GAPVD1: variants seen among roughly 807,000 people sequenced by gnomAD.
GAPVD1 encodes GTPase activating protein and VPS9 domains 1, also known as GTPase-activating protein and VPS9 domain-containing protein 1.
Under a neutral mutation model 155.5 loss-of-function variants are expected in GAPVD1, and 35 were observed. The observed-to-expected ratio is 0.23, with a 90% confidence interval of 0.17 to 0.30. The LOEUF is 0.30. Among genes scored for constraint, GAPVD1 ranks in the 10% least tolerant of loss-of-function variants. GAPVD1 has a pLI of 1.00. For synonymous variants in GAPVD1, 636 were observed against 619.7 expected (o/e 1.03, Z -0.39); for missense variants, 1,429 against 1,775.7 (o/e 0.80, Z 3.51).
Position 125,328,127 on chromosome 9 carries a change from A to C in GAPVD1, c.2032+1538A>C, listed in dbSNP as rs1845463707. 2.6e-5 allele frequency among the ~76,000 whole-genome samples: 4 copies of C among 151,950 alleles called. No homozygotes were observed. The South Asian group carries it at 8.3e-4, about 32-fold the overall frequency. On this transcript the variant is annotated intron_variant, in intron 12 of 27. Transcript: ENST00000297933. ...CCTTTTGAACTTCAGTGTTTTTAAC[A>C]CAGACGTATAATAATGTTTAATACT...
chr9:125,358,328 A>T (rs991435729), intron 25 of GAPVD1, among the ~76,000 whole-genome samples: 1 of 151,976 alleles, frequency 6.6e-6, no homozygotes, highest in Non-Finnish European at 1.5e-5. Flanking sequence ...CTGGCCTCGA[A>T]CTCCTGACCT....
intron 4 of GAPVD1, among the ~76,000 whole-genome samples, chr9:125,300,946 G>A (rs543522008): frequency 6.6e-6 from 1 of 152,192 alleles, no homozygotes; most frequent in African/African-American, 2.4e-5. Flanking sequence ...TTACATACTG[G>A]CATGTTGCTG....
chr9:125,285,222 AC>A (rs1360902577), intron 2 of GAPVD1, among the ~76,000 whole-genome samples: 2 of 152,140 alleles, frequency 1.3e-5, no homozygotes, highest in Non-Finnish European at 2.9e-5. Context: ...TTCCAATACA[AC>A]TTTTATTTAT....
chr9:125,302,325 T>G lies in GAPVD1; in HGVS notation c.528T>G (p.Cys176Trp). Residue 176 changes from cysteine to tryptophan, a missense_variant, in exon 5 of 28, where the codon TGT (cysteine) becomes TGG (tryptophan). This residue lies in a region of GAPVD1 where 628 missense variants were observed against 733.4 expected (regional missense o/e 0.86). Transcript: ENST00000297933. Reference sequence around the variant, plus strand: ...GGCGACTTTTGAGGAGAGGAACTTGTGCCTTCAGCATCTTATTTAAACTTT... The same window carrying G: ...GGCGACTTTTGAGGAGAGGAACTTGGGCCTTCAGCATCTTATTTAAACTTT... ...NPRRLLRRGT[C>W]AFSILFKLFS... is the part of the protein sequence containing the mutation. 1 of 1,614,062 alleles carries G rather than the reference T, an allele frequency of 6.2e-7. No homozygotes were observed. The highest frequency in any genetic ancestry group is 8.5e-7 in the Non-Finnish European group (1 of 1,179,910).
Position 125,307,787 on chromosome 9 carries a change from G to A in GAPVD1, c.1348G>A (p.Gly450Arg), listed in dbSNP as rs1446595980. 1.2e-6 allele frequency: 2 copies of A among 1,613,698 alleles called. No homozygotes were observed. The highest frequency in any genetic ancestry group is 4.5e-5 in the East Asian group (2 of 44,886). The change falls in exon 8 of 28, where the codon GGA becomes AGA. Residue 450 changes from glycine (G) to arginine (R), a missense_variant. Gly to Arg is a moderately radical substitution (Grantham distance 125). Around this residue, in one of 4 missense-constraint regions of GAPVD1, gnomAD observed 628 missense variants for 733.4 expected, o/e 0.86. Coordinates refer to ENST00000297933, the MANE Select transcript of GAPVD1 (RefSeq NM_001282680.3). ...LLANLPPAKP[G>R]KSSSLEMTPY... Reference sequence around the variant, plus strand: ...GGCAAACCTACCCCCGGCCAAGCCAGGAAAAAGTAGCAGTTTAGAAATGAC... The same window carrying A: ...GGCAAACCTACCCCCGGCCAAGCCAAGAAAAAGTAGCAGTTTAGAAATGAC...
chr9:125,321,885 C>T (rs1016907948), intron 10 of GAPVD1, among the ~76,000 whole-genome samples: 2 of 151,984 alleles, frequency 1.3e-5, no homozygotes, highest in South Asian at 2.1e-4. Context: ...TCATGCATGT[C>T]GAAACGGGAA....
intron 25 of GAPVD1, among the ~76,000 whole-genome samples, chr9:125,357,099 C>T (rs1368819877): frequency 6.6e-6 from 1 of 152,162 alleles, no homozygotes; most frequent in African/African-American, 2.4e-5. Flanking sequence ...GATAACAGGG[C>T]ATGAGCCACC....
At chr9:125,328,075 T>C (rs1195793022) in intron 12 of GAPVD1, among the ~76,000 whole-genome samples, 1 of 152,132 alleles carries the variant, frequency 6.6e-6, no homozygotes, top group Non-Finnish European at 1.5e-5. Context: ...ATTATTCTTT[T>C]ATTAGGTTTA....
At chr9:125,295,925 C>T (rs1839779880) in intron 3 of GAPVD1, among the ~76,000 whole-genome samples, 1 of 152,096 alleles carries the variant, frequency 6.6e-6, no homozygotes, top group African/African-American at 2.4e-5. Context: ...GAAACTCAGT[C>T]ATATATTTGT....
At chr9:125,273,020 G>T (rs868307254) in intron 2 of GAPVD1, among the ~76,000 whole-genome samples, 5 of 152,140 alleles carry the variant, frequency 3.3e-5, no homozygotes, top group Admixed American at 6.6e-5. Context: ...AAGCATGGGG[G>T]TTGTGAAAAC....
intron 2 of GAPVD1, among the ~76,000 whole-genome samples, chr9:125,285,453 G>GT (rs10659223): frequency 0.39 from 36,816 of 94,880 alleles, 8,250 homozygotes; most frequent in African/African-American, 0.52. Context: ...TTTTTTCTTT[G>GT]TTTTTTTTTT....
chr9:125,348,554 C>T (rs1013449474), intron 20 of GAPVD1, among the ~76,000 whole-genome samples: 1 of 151,916 alleles, frequency 6.6e-6, no homozygotes, highest in African/African-American at 2.4e-5. Flanking sequence ...ACTTTGTTGC[C>T]CAGGTTGGAG....
At chr9:125,301,884 C>A in intron 4 of GAPVD1, 99 bp from the exon 5 acceptor site, 1 of 976,428 alleles carries the variant, frequency 1.0e-6, no homozygotes, top group Non-Finnish European at 1.4e-6. Flanking sequence ...ATTGTTGGGA[C>A]CATAATCAAC....
rs761044257 is a variant in GAPVD1 at position 125,341,164 on chromosome 9, A to G, written c.2878-13A>G. On this transcript the variant is annotated splice_polypyrimidine_tract_variant and intron_variant, in intron 17 of 27. Coordinates refer to ENST00000297933, the MANE Select transcript of GAPVD1 (RefSeq NM_001282680.3). ...TATCCAACTCCAAATAAAGCCTCCA[A>G]CTTTTTCTACAGACTGAAGAACGCA... The G allele has an allele frequency of 2.1e-6, 3 of 1,450,510 alleles. No individual in the cohort carries two copies. Among genetic ancestry groups the G allele is most frequent in the South Asian group, 2.3e-5 (2 of 87,892 alleles). The allele number at this position is 1,450,510 out of a possible 1,614,324, so 89.9% of individuals were successfully genotyped here. A position where few individuals can be genotyped will look rare whatever the true frequency, so the allele number is the denominator to read the frequency against.
At position 125,268,963 on chromosome 9, in the gene GAPVD1, A is replaced by T. The variant is rs914337832; in HGVS notation, c.-171A>T. The T allele has an allele frequency of 3.3e-5, 5 of 151,426 alleles. No homozygotes were observed. Among genetic ancestry groups the T allele is most frequent in the African/African-American group, 1.2e-4 (5 of 41,300 alleles). 9.4% of individuals were successfully genotyped at this position (151,426 alleles called of 1,614,324 possible). A position where few individuals can be genotyped will look rare whatever the true frequency, so the allele number is the denominator to read the frequency against. On this transcript the variant is annotated 5_prime_UTR_variant, in exon 2 of 28. Transcript: ENST00000297933. Reference sequence around the variant, plus strand: ...GTAAGTGTACTGGAGAGAGTTGGTTATACATTCTAGGAATCTCAAAGGTAA... The same window carrying T: ...GTAAGTGTACTGGAGAGAGTTGGTTTTACATTCTAGGAATCTCAAAGGTAA...
intron 2 of GAPVD1, among the ~76,000 whole-genome samples, chr9:125,272,308 C>T (rs1362091030): frequency 2.6e-5 from 4 of 152,214 alleles, no homozygotes; most frequent in East Asian, 1.9e-4. Context: ...AGGCGTGAAC[C>T]TCCGCGCCCA....
At chr9:125,293,678 T>TATATATATTATATATATAATATAAAA (rs1564309182) in intron 2 of GAPVD1, among the ~76,000 whole-genome samples, 2 of 129,068 alleles carry the variant, frequency 1.5e-5, no homozygotes, top group African/African-American at 5.8e-5. Context: ...AATATAAAAA[T>TATATATATTATATATATAATATAAAA]ATATATATTA....
At position 125,301,956 on chromosome 9, in the gene GAPVD1, G is replaced by A. The variant is rs571382287; in HGVS notation, c.186-27G>A. The A allele has an allele frequency of 3.6e-6, 5 of 1,407,346 alleles. No homozygotes were observed. In the African/African-American group the frequency reaches 4.5e-5, roughly 13 times the overall value. 87.2% of individuals were successfully genotyped at this position (1,407,346 alleles called of 1,614,324 possible). ...TATTATTAATACTATTATTTTGCTT[G>A]TTTGCTCTTTTTTTTTTTTTTTTTA... On this transcript the variant is annotated intron_variant, in intron 4 of 27. Transcript: ENST00000297933.
intron 2 of GAPVD1, among the ~76,000 whole-genome samples, chr9:125,294,297 T>C (rs958768601): frequency 3.3e-5 from 5 of 150,244 alleles, no homozygotes; most frequent in Non-Finnish European, 7.4e-5. Context: ...CGCCTCCACC[T>C]CCCAAAGTGC....
Sources: gnomAD v4.1 joint callset for allele counts (sites outside exome capture counted in the v4.1 genomes callset) on GRCh38, gnomAD v4.1.1 for gene constraint, gnomAD v4.1.1 regional missense constraint, MANE v1.5 for transcripts, NCBI Gene and HGNC (gene_info 2026-07-23, HGNC 2026-07-21) for gene names.